GLUL: variants seen among roughly 807,000 people sequenced by gnomAD.
The protein encoded by GLUL is glutamate-ammonia ligase, also known as glutamine synthetase.
Under a neutral mutation model 36.9 loss-of-function variants are expected in GLUL, and 8 were observed. That is an observed-to-expected ratio of 0.22 (90% CI 0.13 to 0.39). The LOEUF (loss-of-function observed/expected upper bound fraction) is 0.39. Ranked by LOEUF, GLUL falls within the 10% of genes least tolerant of loss-of-function variation. The pLI, the probability that GLUL is intolerant of heterozygous loss-of-function variation, is 1.00. For missense variants in GLUL, 315 were observed against 501.8 expected (o/e 0.63, Z 3.56); for synonymous variants, 182 against 172.8 (o/e 1.05, Z -0.42).
chr1:182,390,799 A>C (rs1044067601), intron 1 of GLUL: 4 of 399,028 alleles, frequency 1.0e-5, no homozygotes, highest in Non-Finnish European at 1.8e-5. Flanking sequence ...CGTTGTCTTC[A>C]TAATTTTCAT....
chr1:182,390,687 G>C (rs1204354404), intron 1 of GLUL: 3 of 399,182 alleles, frequency 7.5e-6, no homozygotes, highest in African/African-American at 6.2e-5. Flanking sequence ...GCAGGTTGGT[G>C]GGTTAAGGTC....
chr1:182,388,359 C>T (rs1239479561), intron 2 of GLUL, among the ~76,000 whole-genome samples: 1 of 152,156 alleles, frequency 6.6e-6, no homozygotes, highest in Non-Finnish European at 1.5e-5. Flanking sequence ...GGCCTACGTG[C>T]ACAATTCCAT....
At position 182,382,884 on chromosome 1, in the gene GLUL, A is replaced by T. The variant is rs184789180; in HGVS notation, c.*1521T>A. 2.7e-4 allele frequency: 41 copies of T among 152,344 alleles called. No individual in the cohort carries two copies. The highest frequency in any genetic ancestry group is 9.4e-4 in the African/African-American group (39 of 41,576). 9.4% of individuals were successfully genotyped at this position (152,344 alleles called of 1,614,324 possible). A position where few individuals can be genotyped will look rare whatever the true frequency, so the allele number is the denominator to read the frequency against. On this transcript the variant is annotated 3_prime_UTR_variant, in exon 7 of 7. Transcript: ENST00000331872. Reference sequence around the variant, plus strand: ...AGGGATTTGAAAGAATCACAAACACATCAGAGAGATCTTATGTTAGGCTGA... The same window carrying T: ...AGGGATTTGAAAGAATCACAAACACTTCAGAGAGATCTTATGTTAGGCTGA...
chr1:182,391,208 C>G (rs767725498), intron 1 of GLUL: 1 of 398,526 alleles, frequency 2.5e-6, no homozygotes, highest in African/African-American at 2.1e-5. Flanking sequence ...TCTCAACCAT[C>G]GCCAGAACCA....
intron 1 of GLUL, chr1:182,391,048 T>A (rs1302960689): frequency 1.3e-5 from 5 of 397,150 alleles, no homozygotes; most frequent in Non-Finnish European, 2.2e-5. Flanking sequence ...GACTGCGCGC[T>A]GCTGCTGCCT....
intron 3 of GLUL, 38 bp from the exon 4 acceptor site, chr1:182,386,440 A>C: frequency 6.9e-7 from 1 of 1,457,500 alleles, no homozygotes; most frequent in South Asian, 1.1e-5. Flanking sequence ...TCAGGGATCT[A>C]AAGACATAGA....
In GLUL at chr1:182,380,767, G is replaced by A. The variant is rs1355789802; in HGVS notation, c.*3638C>T. Among the ~76,000 whole-genome samples, 1 of 152,218 alleles carries A rather than the reference G, an allele frequency of 6.6e-6. No homozygotes were observed. Among genetic ancestry groups the A allele is most frequent in the Non-Finnish European group, 1.5e-5 (1 of 68,042 alleles). ...ACTACAACAGGTCTCAAGATACAGT[G>A]GTGAGCAAGAAAAACAGGATCTCTT... On this transcript the variant is annotated 3_prime_UTR_variant, in exon 7 of 7. Transcript: ENST00000331872.
rs1650221144 is a variant in GLUL, at chr1:182,387,215, C to T, written c.244G>A (p.Ala82Thr). Residue 82 changes from alanine to threonine, a missense_variant, in exon 3 of 7, where the codon GCT (alanine) becomes ACT (threonine). Transcript: ENST00000331872. ...GSNSDMYLVP[A>T]AMFRDPFRKD... The stretch of plus-strand genomic sequence containing the variant: ...CGGAAGGGGTCCCGAAACATGGCAG[C>T]AGGCACGAGATACATGTCACTGTTG... 1.9e-6 allele frequency: 3 copies of T among 1,612,138 alleles called. No individual in the cohort carries two copies. The East Asian group carries it at 6.7e-5, about 36-fold the overall frequency.
chr1:182,385,558 TA>T lies in GLUL; in HGVS notation c.604-3del, dbSNP rs1171199592. ...ACAAGGTCCAATCTGAAATTCCCAC[TA>T]GAAACGAGAAGCTTGGCCATTAAAA... is the stretch of plus-strand genomic sequence containing the variant. On this transcript the variant is annotated splice_polypyrimidine_tract_variant and splice_region_variant and intron_variant, in intron 5 of 6. Coordinates refer to ENST00000331872, the MANE Select transcript of GLUL (RefSeq NM_001033044.4). 1 of 1,613,568 alleles carries T rather than the reference TA, an allele frequency of 6.2e-7. No homozygotes were observed. Among genetic ancestry groups the T allele is most frequent in the South Asian group, 1.1e-5 (1 of 91,076 alleles).
Position 182,382,494 on chromosome 1 carries a change from T to TTAAATG in GLUL, c.*1910_*1911insCATTTA, listed in dbSNP as rs1553249415. 1.2e-4 allele frequency: 4 copies of TTAAATG among 32,678 alleles called. No individual in the cohort carries two copies. Among genetic ancestry groups the TTAAATG allele is most frequent in the Non-Finnish European group, 2.0e-4 (4 of 19,590 alleles). The allele number at this position is 32,678 out of a possible 1,614,324, so 2.0% of individuals were successfully genotyped here. A position where few individuals can be genotyped will look rare whatever the true frequency, so the allele number is the denominator to read the frequency against. ...TAGCAGGGTAGCTAATATTTGTTTC[T>TTAAATG]TATCACTGAGAGCAGAGAATAGAAA... On this transcript the variant is annotated 3_prime_UTR_variant, in exon 7 of 7. Coordinates refer to ENST00000331872, the MANE Select transcript of GLUL (RefSeq NM_001033044.4).
chr1:182,390,880 A>T, intron 1 of GLUL: 1 of 398,932 alleles, frequency 2.5e-6, no homozygotes, highest in Non-Finnish European at 4.4e-6. Flanking sequence ...AGTTATAATT[A>T]TCCACTTTGA....
At chr1:182,387,632 A>T (rs539730515) in intron 2 of GLUL, among the ~76,000 whole-genome samples, 34 of 152,318 alleles carry the variant, frequency 2.2e-4, no homozygotes, top group African/African-American at 8.2e-4. Context: ...AAGGATTCTG[A>T]TTCTTCCATT....
rs200242040 is a variant in GLUL, at chr1:182,386,420, T to A, written c.329-18A>T. ...ATTGGTCTCTAGAAAAAAGAGTCAA[T>A]AATACGCCATCAGGGATCTAAAGAC... On this transcript the variant is annotated intron_variant, in intron 3 of 6. Coordinates refer to ENST00000331872, the MANE Select transcript of GLUL (RefSeq NM_001033044.4). 461 of 1,580,472 alleles carry A rather than the reference T, an allele frequency of 2.9e-4. No homozygotes were observed. Among genetic ancestry groups the A allele is most frequent in the Non-Finnish European group, 3.9e-4 (447 of 1,149,428 alleles).
intron 1 of GLUL, 145 bp downstream of exon 1, chr1:182,391,534 T>C: frequency 3.5e-6 from 1 of 284,478 alleles, no homozygotes; most frequent in Non-Finnish European, 6.5e-6. Context: ...TCATGCCGGA[T>C]CTCAGGCATG....
intron 3 of GLUL, chr1:182,386,684 A>G (rs1192559871): frequency 3.9e-6 from 2 of 511,494 alleles, no homozygotes; most frequent in African/African-American, 1.9e-5. Flanking sequence ...CTTTCACCTT[A>G]TCTGCATTCT....
At chr1:182,391,240 C>T (rs746526581) in intron 1 of GLUL, 31 of 398,780 alleles carry the variant, frequency 7.8e-5, no homozygotes, top group Non-Finnish European at 1.2e-4. Flanking sequence ...CCGAAGGCCC[C>T]ACCACGAGGA....
In GLUL at chr1:182,380,234, C is replaced by A. The variant is rs527641681; in HGVS notation, c.*4171G>T. Among the ~76,000 whole-genome samples, 1 of 152,334 alleles carries A rather than the reference C, an allele frequency of 6.6e-6. No individual in the cohort carries two copies. The highest frequency in any genetic ancestry group is 2.1e-4 in the South Asian group (1 of 4,826). ...GTACACTATTTTCCACAGTACACTCCCACGAAGTTTTTAGTGCTGCCATAA... is the reference window on the plus strand; with the variant it reads ...GTACACTATTTTCCACAGTACACTCACACGAAGTTTTTAGTGCTGCCATAA... On this transcript the variant is annotated 3_prime_UTR_variant, in exon 7 of 7. Transcript: ENST00000331872.
At chr1:182,386,532 T>C in intron 3 of GLUL, 130 bp from the exon 4 acceptor site, 1 of 792,146 alleles carries the variant, frequency 1.3e-6, no homozygotes, top group Non-Finnish European at 2.3e-6. Context: ...ACTGACCCAG[T>C]ATAGGCCTTC....
Position 182,380,825 on chromosome 1 carries a change from G to A in GLUL, c.*3580C>T, listed in dbSNP as rs1382639947. On this transcript the variant is annotated 3_prime_UTR_variant, in exon 7 of 7. Coordinates refer to ENST00000331872, the MANE Select transcript of GLUL (RefSeq NM_001033044.4). ...TGAAGTTCAACTAGAAAGTCCTGTC[G>A]AATGATGAGACATCTTTCTTTGGGG... 2.0e-5 allele frequency among the ~76,000 whole-genome samples: 3 copies of A among 152,234 alleles called. No homozygotes were observed. The highest frequency in any genetic ancestry group is 2.9e-5 in the Non-Finnish European group (2 of 68,042).
Sources: gnomAD v4.1 joint callset for allele counts (sites outside exome capture counted in the v4.1 genomes callset) on GRCh38, gnomAD v4.1.1 for gene constraint, MANE v1.5 for transcripts, NCBI Gene and HGNC (gene_info 2026-07-23, HGNC 2026-07-21) for gene names.